PTPRG: variants seen among roughly 807,000 people sequenced by gnomAD.
The protein encoded by PTPRG is receptor-type tyrosine-protein phosphatase gamma.
In PTPRG, 102 loss-of-function variants were observed where a neutral mutation model predicts 165.3. The ratio of observed to expected loss-of-function variants is 0.62; its 90% CI spans 0.53 to 0.73. PTPRG has a LOEUF of 0.73. Among genes scored for constraint, PTPRG ranks in the 30% least tolerant of loss-of-function variants. The probability of loss-of-function intolerance (pLI) is 0.00; values close to 1 mark genes in which losing one functional copy is unlikely to be tolerated. For missense variants in PTPRG, 1,866 were observed against 1,861.4 expected, an observed-to-expected ratio of 1.00 and a Z score of -0.05; for synonymous variants, 675 against 669.5, an observed-to-expected ratio of 1.01 and a Z score of -0.13.
In PTPRG at chr3:62,271,471, A is replaced by G. The variant is rs1702061186; in HGVS notation, c.3098A>G (p.Glu1033Gly). ...YTQWPDMGVPEYALPVLTFVR... is the reference protein window; with the variant it reads ...YTQWPDMGVPGYALPVLTFVR... ...CAGTGGCCTGACATGGGAGTTCCCG[A>G]GTATGCCCTTCCAGTACTGACTTTC... The change falls in exon 21 of 30, where the codon GAG (glutamate) becomes GGG (glycine). Residue 1033 changes from glutamate (E) to glycine (G), a missense_variant. By Grantham distance (98) the Glu-to-Gly change is moderately conservative. Transcript: ENST00000474889. The surrounding 1 kb of genome is among the most constrained non-coding windows in gnomAD (Gnocchi z 4.1). 6.2e-7 allele frequency: 1 copy of G among 1,613,974 alleles called. No individual in the cohort carries two copies. Among genetic ancestry groups the G allele is most frequent in the South Asian group, 1.1e-5 (1 of 91,078 alleles).
rs2148872680 is a variant in PTPRG at position 62,271,242 on chromosome 3, T to C, written c.3010-141T>C. On this transcript the variant is annotated intron_variant, in intron 20 of 29. Transcript: ENST00000474889. This position sits in a 1 kb window ranked among gnomAD's most constrained non-coding sequence, Gnocchi z 4.1. Reference sequence around the variant, plus strand: ...CCAATTTAATGGCATGAAAGTTGGCTACAAGGGGGAATAACCTAGCCTGGG... The same window carrying C: ...CCAATTTAATGGCATGAAAGTTGGCCACAAGGGGGAATAACCTAGCCTGGG... 1.4e-5 allele frequency: 9 copies of C among 655,344 alleles called. No individual in the cohort carries two copies. In the South Asian group the frequency reaches 2.4e-4, roughly 17 times the overall value. The allele number at this position is 655,344 out of a possible 1,614,324, so 40.6% of individuals were successfully genotyped here.
chr3:62,184,806 C>G (rs1304411487), intron 8 of PTPRG, among the ~76,000 whole-genome samples: 2 of 152,132 alleles, frequency 1.3e-5, no homozygotes, highest in African/African-American at 4.8e-5. Context: ...GAATCTGCAC[C>G]GAATTGGTTT....
At chr3:61,920,955 T>A (rs192154587) in intron 2 of PTPRG, among the ~76,000 whole-genome samples, 38 of 152,348 alleles carry the variant, frequency 2.5e-4, no homozygotes, top group Admixed American at 2.5e-3. Context: ...TGGTGTCTCC[T>A]ATTCAATGGT....
intron 2 of PTPRG, among the ~76,000 whole-genome samples, chr3:61,871,836 A>G (rs762283893): frequency 6.6e-6 from 1 of 152,196 alleles, no homozygotes; most frequent in Non-Finnish European, 1.5e-5. Flanking sequence ...GAAGGAGATC[A>G]GTTGCTCCCT....
At chr3:62,198,423 G>T (rs1346151203) in intron 10 of PTPRG, among the ~76,000 whole-genome samples, 23 of 152,090 alleles carry the variant, frequency 1.5e-4, no homozygotes, top group Admixed American at 1.5e-3. Flanking sequence ...CCAAATACCT[G>T]CAGTCTTCAA....
intron 2 of PTPRG, among the ~76,000 whole-genome samples, chr3:61,903,030 C>T (rs938038212): frequency 2.0e-5 from 3 of 152,124 alleles, no homozygotes; most frequent in African/African-American, 4.8e-5. Flanking sequence ...TAAGACCTGC[C>T]AAACTCCTTC....
chr3:61,584,012 TC>T (rs1325857175), intron 1 of PTPRG, among the ~76,000 whole-genome samples: 1 of 152,196 alleles, frequency 6.6e-6, no homozygotes, highest in Non-Finnish European at 1.5e-5. Flanking sequence ...CCAAAAATAA[TC>T]CTTTAATAGT....
At chr3:61,669,963 T>A (rs1300614816) in intron 1 of PTPRG, among the ~76,000 whole-genome samples, 1 of 152,192 alleles carries the variant, frequency 6.6e-6, no homozygotes, top group Non-Finnish European at 1.5e-5. Context: ...GTTTCAGTAC[T>A]GGAGTCGGCA....
At chr3:61,621,043 A>ATGTGTGTGTGTG (rs1342796229) in intron 1 of PTPRG, among the ~76,000 whole-genome samples, 9 of 87,878 alleles carry the variant, frequency 1.0e-4, no homozygotes, top group African/African-American at 3.3e-4. Flanking sequence ...GTATATATAT[A>ATGTGTGTGTGTG]TATATATATG....
At chr3:61,772,856 A>G (rs1421440012) in intron 2 of PTPRG, among the ~76,000 whole-genome samples, 1 of 152,176 alleles carries the variant, frequency 6.6e-6, no homozygotes, top group African/African-American at 2.4e-5. Context: ...TAGATCAGAG[A>G]ATATGCTGTA....
At chr3:61,959,190 G>T (rs559708078) in intron 2 of PTPRG, among the ~76,000 whole-genome samples, 6 of 152,198 alleles carry the variant, frequency 3.9e-5, no homozygotes, top group East Asian at 1.9e-4. Context: ...TCCAATTTCA[G>T]ATTCCCTGCA....
chr3:62,054,043 G>A (rs982612333), intron 4 of PTPRG, among the ~76,000 whole-genome samples: 3 of 152,168 alleles, frequency 2.0e-5, no homozygotes, highest in Admixed American at 2.0e-4. Context: ...AGGCTTCCTA[G>A]TGGACCTTCT....
chr3:62,119,440 T>C (rs764227872), intron 5 of PTPRG, among the ~76,000 whole-genome samples: 17 of 152,066 alleles, frequency 1.1e-4, no homozygotes, highest in Non-Finnish European at 1.6e-4. Context: ...GTGGGAACAA[T>C]GCGGGCAAAG....
chr3:61,910,555 T>A (rs1207256455), intron 2 of PTPRG, among the ~76,000 whole-genome samples: 2 of 152,198 alleles, frequency 1.3e-5, no homozygotes, highest in East Asian at 3.8e-4. Flanking sequence ...TTTGTTCCTG[T>A]TCCTTTCCTT....
intron 17 of PTPRG, among the ~76,000 whole-genome samples, chr3:62,264,828 T>C (rs1311525944): frequency 6.6e-6 from 1 of 152,166 alleles, no homozygotes; most frequent in Non-Finnish European, 1.5e-5. Flanking sequence ...TTTGCTAGAT[T>C]ATATGGTAAT....
chr3:61,976,263 G>A (rs2040503075), intron 2 of PTPRG, among the ~76,000 whole-genome samples: 1 of 152,142 alleles, frequency 6.6e-6, no homozygotes, highest in African/African-American at 2.4e-5. Flanking sequence ...TCTATCTTTA[G>A]CCCTGGCCTT....
intron 9 of PTPRG, 96 bp from the exon 10 acceptor site, chr3:62,194,966 T>G: frequency 8.9e-7 from 1 of 1,126,318 alleles, no homozygotes; most frequent in Non-Finnish European, 1.3e-6. Flanking sequence ...ATCACACCTG[T>G]CAGGCATTGT....
intron 1 of PTPRG, among the ~76,000 whole-genome samples, chr3:61,571,389 G>A (rs563214159): frequency 6.6e-6 from 1 of 152,256 alleles, no homozygotes; most frequent in African/African-American, 2.4e-5. Flanking sequence ...TTGCACAGGA[G>A]GGCCAATTGA....
intron 4 of PTPRG, among the ~76,000 whole-genome samples, chr3:62,069,684 T>TCTCTCTCA (rs542306888): frequency 1.2e-4 from 18 of 145,052 alleles, no homozygotes; most frequent in African/African-American, 4.2e-4. Context: ...TCTCTCTCTC[T>TCTCTCTCA]CACACACAGA....
Sources: gnomAD v4.1 joint callset for allele counts (sites outside exome capture counted in the v4.1 genomes callset) on GRCh38, gnomAD v4.1.1 for gene constraint, Gnocchi (gnomAD v3.1) non-coding constraint, MANE v1.5 for transcripts, NCBI Gene and HGNC (gene_info 2026-07-23, HGNC 2026-07-21) for gene names.